RPSA2: variants seen among roughly 807,000 people sequenced by gnomAD.
The protein encoded by RPSA2 is ribosomal protein SA 2, also known as small ribosomal subunit protein uS2B.
the RPSA2 span, chr19:23,758,750 T>C: frequency 6.2e-7 from 1 of 1,614,158 alleles, no homozygotes; most frequent in Admixed American, 1.7e-5. Context: ...TTCTCACCAT[T>C]TCTAGGTTTC....
the RPSA2 span, among the ~76,000 whole-genome samples, chr19:23,862,938 T>C: frequency 6.6e-6 from 1 of 151,372 alleles, no homozygotes; most frequent in Admixed American, 6.6e-5. Context: ...GGAGTTTTGC[T>C]CTGTTGTCAG....
the RPSA2 span, among the ~76,000 whole-genome samples, chr19:23,839,940 AG>A: frequency 3.9e-5 from 6 of 152,234 alleles, no homozygotes; most frequent in African/African-American, 1.4e-4. Flanking sequence ...CCACTTCTGC[AG>A]TGGTGGCACT....
the RPSA2 span, chr19:23,828,155 C>T: frequency 3.1e-6 from 2 of 646,440 alleles, no homozygotes; most frequent in Non-Finnish European, 5.3e-6. Flanking sequence ...AATTATGAGT[C>T]TATAAATGAC....
the RPSA2 span, among the ~76,000 whole-genome samples, chr19:23,835,980 T>C: frequency 6.6e-6 from 1 of 151,982 alleles, no homozygotes; most frequent in Non-Finnish European, 1.5e-5. Flanking sequence ...GGTCTGTAAT[T>C]ATAAGAATAT....
At chr19:23,845,375 T>C in the RPSA2 span, among the ~76,000 whole-genome samples, 12 of 151,890 alleles carry the variant, frequency 7.9e-5, no homozygotes. Flanking sequence ...TTTCTACTTT[T>C]TTGATGCAGA....
chr19:23,843,973 G>T, the RPSA2 span, among the ~76,000 whole-genome samples: 98 of 152,154 alleles, frequency 6.4e-4, 3 homozygotes, highest in East Asian at 0.017. Flanking sequence ...TGTCCAGCCT[G>T]GTCTCCAACT....
the RPSA2 span, chr19:23,842,736 T>C: frequency 2.6e-5 from 4 of 152,142 alleles, no homozygotes; most frequent in Non-Finnish European, 2.9e-5. Context: ...CTTTGTAGAA[T>C]GATTTTGGGA....
the RPSA2 span, among the ~76,000 whole-genome samples, chr19:23,761,931 T>TCTCTCTCTCTCTCTCTCTCTTTCTCTC: frequency 1.1e-4 from 7 of 61,690 alleles, no homozygotes; most frequent in African/African-American, 5.2e-4. Flanking sequence ...TTTTTTTTTT[T>TCTCTCTCTCTCTCTCTCTCTTTCTCTC]TTTTGAGATG....
chr19:23,865,303 C>G, the RPSA2 span, among the ~76,000 whole-genome samples: 30 of 152,300 alleles, frequency 2.0e-4, no homozygotes, highest in Admixed American at 1.4e-3. Context: ...CAGTCTGGAT[C>G]TCAAGTTAAT....
chr19:23,835,139 A>G, the RPSA2 span, among the ~76,000 whole-genome samples: 2 of 152,066 alleles, frequency 1.3e-5, no homozygotes, highest in East Asian at 1.9e-4. Flanking sequence ...TTTTATCATC[A>G]TAATACAAAT....
the RPSA2 span, among the ~76,000 whole-genome samples, chr19:23,811,801 A>G: frequency 6.7e-6 from 1 of 149,910 alleles, no homozygotes; most frequent in Non-Finnish European, 1.5e-5. Flanking sequence ...TATATGTATA[A>G]TTTAGCAATG....
the RPSA2 span, among the ~76,000 whole-genome samples, chr19:23,845,195 T>C: frequency 1.7e-5 from 1 of 57,214 alleles, no homozygotes; most frequent in African/African-American, 6.0e-5. Flanking sequence ...ATTTTGTCTT[T>C]TTGAAAAAGC....
At chr19:23,762,676 C>CCA in the RPSA2 span, among the ~76,000 whole-genome samples, 1 of 130,120 alleles carries the variant, frequency 7.7e-6, no homozygotes, top group African/African-American at 2.9e-5. Flanking sequence ...AACTCGGTCT[C>CCA]AAAAAAAAAA....
chr19:23,778,688 C>T, the RPSA2 span, among the ~76,000 whole-genome samples: 1 of 152,102 alleles, frequency 6.6e-6, no homozygotes, highest in Non-Finnish European at 1.5e-5. Context: ...GATCCCAGCC[C>T]ACACCGCTTA....
At chr19:23,853,325 C>T in the RPSA2 span, among the ~76,000 whole-genome samples, 1 of 152,146 alleles carries the variant, frequency 6.6e-6, no homozygotes, top group Non-Finnish European at 1.5e-5. Context: ...CATTAATGGC[C>T]CTTAAATCAG....
chr19:23,805,550 G>A, the RPSA2 span, among the ~76,000 whole-genome samples: 3 of 78,358 alleles, frequency 3.8e-5, no homozygotes, highest in African/African-American at 1.4e-4. Flanking sequence ...CTGCCTTTAG[G>A]TGTGGTGGTA....
the RPSA2 span, among the ~76,000 whole-genome samples, chr19:23,760,887 A>G: frequency 3.3e-5 from 5 of 150,902 alleles, no homozygotes; most frequent in African/African-American, 1.2e-4. Flanking sequence ...CTGGTCTCGA[A>G]CTCCTGACCT....
chr19:23,855,819 T>C, the RPSA2 span, among the ~76,000 whole-genome samples: 2 of 151,836 alleles, frequency 1.3e-5, no homozygotes, highest in African/African-American at 4.8e-5. Flanking sequence ...CTGCAGTAGA[T>C]GGGGGATGGT....
At chr19:23,764,800 TAA>T in the RPSA2 span, among the ~76,000 whole-genome samples, 6 of 142,932 alleles carry the variant, frequency 4.2e-5, no homozygotes, top group Non-Finnish European at 4.6e-5. Context: ...AACTCCACTT[TAA>T]AAAAAAAAAA....
Sources: gnomAD v4.1 joint callset for allele counts (sites outside exome capture counted in the v4.1 genomes callset) on GRCh38, gnomAD v4.1.1 for gene constraint, MANE v1.5 for transcripts, NCBI Gene and HGNC (gene_info 2026-07-23, HGNC 2026-07-21) for gene names.